Variants in CDKAL1 observed in about 807,000 individuals in gnomAD.
CDKAL1 encodes CDKAL1 threonylcarbamoyladenosine tRNA methylthiotransferase.
In CDKAL1, 32 loss-of-function variants were observed where a neutral mutation model predicts 68.2. That is an observed-to-expected ratio of 0.47 (90% CI 0.35 to 0.63). The LOEUF is 0.63. Ranked by LOEUF, CDKAL1 falls within the 30% of genes least tolerant of loss-of-function variation. The probability of loss-of-function intolerance (pLI) is 0.00; values close to 1 mark genes in which losing one functional copy is unlikely to be tolerated. For synonymous variants in CDKAL1, 234 were observed against 244.3 expected (o/e 0.96, Z 0.39); for missense variants, 606 against 696.7 (o/e 0.87, Z 1.47).
chr6:20,609,220 T>C (rs67320261), intron 4 of CDKAL1, among the ~76,000 whole-genome samples: 37,944 of 150,668 alleles, frequency 0.25, 5,489 homozygotes, highest in East Asian at 0.55. Context: ...TTTTATTTTC[T>C]TCTTCTTTCT....
intron 4 of CDKAL1, among the ~76,000 whole-genome samples, chr6:20,602,818 C>A (rs1392396134): frequency 6.6e-6 from 1 of 152,114 alleles, no homozygotes; most frequent in Non-Finnish European, 1.5e-5. Flanking sequence ...TTCTTCTTAC[C>A]CACTGTGGCC....
At chr6:21,099,257 T>G (rs1459130688) in intron 12 of CDKAL1, among the ~76,000 whole-genome samples, 2 of 152,208 alleles carry the variant, frequency 1.3e-5, no homozygotes, top group Admixed American at 1.3e-4. Flanking sequence ...TTTTCAGCTT[T>G]ATAGGCCATA....
At chr6:20,595,379 T>C (rs1765777050) in intron 4 of CDKAL1, among the ~76,000 whole-genome samples, 1 of 151,642 alleles carries the variant, frequency 6.6e-6, no homozygotes, top group Admixed American at 6.6e-5. Context: ...CTTTTCATTC[T>C]TTTTTCTCTA....
At chr6:20,689,739 G>A (rs1770788294) in intron 5 of CDKAL1, among the ~76,000 whole-genome samples, 1 of 152,136 alleles carries the variant, frequency 6.6e-6, no homozygotes, top group East Asian at 1.9e-4. Flanking sequence ...TCATGTATCT[G>A]TGCTCTAATT....
rs562036317 is a variant in CDKAL1, at chr6:20,909,768, A to G, written c.743-45651A>G. Among the ~76,000 whole-genome samples, 126 of 152,210 alleles carry G rather than the reference A, an allele frequency of 8.3e-4. 4 individuals carry two copies. In the South Asian group the frequency reaches 0.023, roughly 28 times the overall value. ...GCAGAGGCAGAGGGAGCACCTTCCT[A>G]GGTAGGCCTCAGGTAGTGTTAAAGA... On this transcript the variant is annotated intron_variant, in intron 9 of 15. Coordinates refer to ENST00000274695, the MANE Select transcript of CDKAL1 (RefSeq NM_017774.3).
chr6:20,620,339 A>G (rs1767123133), intron 4 of CDKAL1, among the ~76,000 whole-genome samples: 1 of 152,232 alleles, frequency 6.6e-6, no homozygotes, highest in Non-Finnish European at 1.5e-5. Flanking sequence ...GAATTATTGA[A>G]AATAGCATAA....
chr6:20,624,666 C>T (rs968714427), intron 4 of CDKAL1, among the ~76,000 whole-genome samples: 7 of 151,602 alleles, frequency 4.6e-5, no homozygotes, highest in South Asian at 4.2e-4. Context: ...TTACAATTGA[C>T]GAGAGTAGTG....
At chr6:20,586,094 T>C (rs987185466) in intron 4 of CDKAL1, among the ~76,000 whole-genome samples, 2 of 152,178 alleles carry the variant, frequency 1.3e-5, no homozygotes, top group Non-Finnish European at 2.9e-5. Context: ...TATCAGCAAA[T>C]CCTGCTGGCT....
intron 5 of CDKAL1, among the ~76,000 whole-genome samples, chr6:20,732,476 C>T (rs1188922310): frequency 3.4e-5 from 5 of 145,578 alleles, no homozygotes; most frequent in Non-Finnish European, 7.5e-5. Context: ...TAGTAGAGAT[C>T]GGGTTTCATC....
chr6:20,732,197 C>T (rs1297030224), intron 5 of CDKAL1, among the ~76,000 whole-genome samples: 2 of 151,456 alleles, frequency 1.3e-5, no homozygotes, highest in African/African-American at 4.9e-5. Context: ...AGGTGTGTAC[C>T]ATCTTGCCTG....
chr6:20,951,409 A>G (rs1251532531), intron 9 of CDKAL1, among the ~76,000 whole-genome samples: 1 of 152,160 alleles, frequency 6.6e-6, no homozygotes, highest in Non-Finnish European at 1.5e-5. Flanking sequence ...TATTGAGGAT[A>G]TTATCCTTCT....
intron 4 of CDKAL1, among the ~76,000 whole-genome samples, chr6:20,601,463 G>A (rs112580534): frequency 1.0e-3 from 157 of 152,242 alleles, no homozygotes; most frequent in African/African-American, 3.4e-3. Context: ...ATGGTAAGTA[G>A]TGATTAAAGT....
intron 13 of CDKAL1, among the ~76,000 whole-genome samples, chr6:21,141,286 T>C (rs1775895983): frequency 6.6e-6 from 1 of 152,230 alleles, no homozygotes; most frequent in Non-Finnish European, 1.5e-5. Context: ...AGCAAATGTT[T>C]TTTAATCCTT....
intron 8 of CDKAL1, among the ~76,000 whole-genome samples, chr6:20,821,158 C>A (rs1368052125): frequency 6.6e-6 from 1 of 152,052 alleles, no homozygotes; most frequent in African/African-American, 2.4e-5. Context: ...GGAACCAGAG[C>A]AGACTTTGCA....
chr6:21,143,576 A>AT (rs1776026792), intron 13 of CDKAL1, among the ~76,000 whole-genome samples: 1 of 152,034 alleles, frequency 6.6e-6, no homozygotes, highest in Non-Finnish European at 1.5e-5. Context: ...TCAGGCTTTT[A>AT]TTTTTTAGGT....
At chr6:21,069,838 G>C (rs1194201487) in intron 12 of CDKAL1, among the ~76,000 whole-genome samples, 1 of 125,768 alleles carries the variant, frequency 8.0e-6, no homozygotes, top group Non-Finnish European at 1.6e-5. Context: ...CCAGGCTGGA[G>C]TGCTGCAGTG....
At chr6:20,781,936 A>G (rs1382671477) in intron 8 of CDKAL1, among the ~76,000 whole-genome samples, 4 of 152,202 alleles carry the variant, frequency 2.6e-5, no homozygotes, top group African/African-American at 9.6e-5. Flanking sequence ...GCACCTAATT[A>G]CCCGTACAAC....
At position 21,055,349 on chromosome 6, in the gene CDKAL1, A is replaced by T. The variant is rs144991771; in HGVS notation, c.1056-9699A>T. ...CTAATCTCTTCCTCTGATTTTCTTT[A>T]AAAAAAACTTTTTTTGTTTGTTTTT... On this transcript the variant is annotated intron_variant, in intron 11 of 15. Coordinates refer to ENST00000274695, the MANE Select transcript of CDKAL1 (RefSeq NM_017774.3). Among the ~76,000 whole-genome samples, 783 of 151,742 alleles carry T rather than the reference A, an allele frequency of 5.2e-3. 8 individuals carry two copies. The highest frequency in any genetic ancestry group is 0.018 in the African/African-American group (728 of 41,224).
At chr6:21,159,581 G>A (rs1274587874) in intron 13 of CDKAL1, among the ~76,000 whole-genome samples, 1 of 152,234 alleles carries the variant, frequency 6.6e-6, no homozygotes, top group East Asian at 1.9e-4. Context: ...CAGAGGCCAT[G>A]CCTGGCCTAT....
Sources: allele counts gnomAD v4.1 joint callset (sites outside exome capture counted in the v4.1 genomes callset), GRCh38; gene constraint gnomAD v4.1.1; transcripts MANE v1.5; gene names NCBI Gene and HGNC (gene_info 2026-07-23, HGNC 2026-07-21).